Variants in STAP2 observed in about 807,000 individuals in gnomAD.
STAP2 encodes the protein signal-transducing adaptor protein 2.
STAP2 carries 58 observed loss-of-function variants against 52.7 expected under a neutral mutation model. The ratio of observed to expected loss-of-function variants is 1.10; its 90% CI spans 0.89 to 1.37. STAP2 has a LOEUF of 1.37. Among genes scored for constraint, STAP2 ranks in the 40% most tolerant of loss-of-function variants. STAP2 has a pLI of 0.00. For synonymous variants in STAP2, 231 were observed against 210.5 expected (o/e 1.10, Z -0.84); for missense variants, 522 against 519.4 (o/e 1.00, Z -0.05).
intron 6 of STAP2, 67 bp from the exon 7 acceptor site, chr19:4,327,452 C>A: frequency 6.4e-7 from 1 of 1,553,500 alleles, no homozygotes; most frequent in Non-Finnish European, 8.8e-7. Flanking sequence ...GGGAAGGCCC[C>A]GCCCCAACTC....
chr19:4,332,309 G>A (rs1971906984), intron 3 of STAP2, among the ~76,000 whole-genome samples: 1 of 139,994 alleles, frequency 7.1e-6, no homozygotes, highest in Admixed American at 7.9e-5. Context: ...CCAGGTTCAA[G>A]CGATTCTCCT....
intron 7 of STAP2, 38 bp downstream of exon 7, chr19:4,327,278 C>T: frequency 4.3e-6 from 7 of 1,614,094 alleles, no homozygotes; most frequent in Non-Finnish European, 5.9e-6. Context: ...ACGCGGACCC[C>T]ACAAAGTCAC....
chr19:4,328,928 G>T, intron 5 of STAP2, 119 bp from the exon 6 acceptor site: 1 of 1,396,226 alleles, frequency 7.2e-7, no homozygotes. Flanking sequence ...AGGAGACCCT[G>T]CCCTGCTCTC....
At chr19:4,337,182 T>C (rs1377960992) in intron 1 of STAP2, among the ~76,000 whole-genome samples, 1 of 151,050 alleles carries the variant, frequency 6.6e-6, no homozygotes, top group Non-Finnish European at 1.5e-5. Context: ...GACAGGAGGA[T>C]CACTTAAGGC....
At chr19:4,327,447 G>GACC in intron 6 of STAP2, 62 bp from the exon 7 acceptor site, 6 of 1,577,538 alleles carry the variant, frequency 3.8e-6, no homozygotes, top group Non-Finnish European at 5.2e-6. Context: ...CCTCAGGGAA[G>GACC]GCCCCGCCCC....
At chr19:4,326,127 G>A (rs554200333) in intron 9 of STAP2, among the ~76,000 whole-genome samples, 1 of 152,318 alleles carries the variant, frequency 6.6e-6, no homozygotes, top group Middle Eastern at 3.4e-3. Flanking sequence ...ACATGAGTGC[G>A]TTTTGCCCGT....
At chr19:4,335,611 G>A (rs1288116651) in intron 1 of STAP2, among the ~76,000 whole-genome samples, 1 of 152,194 alleles carries the variant, frequency 6.6e-6, no homozygotes, top group Non-Finnish European at 1.5e-5. Flanking sequence ...AACATTTACT[G>A]AAGGCTTTTT....
At chr19:4,324,252 C>A in intron 12 of STAP2, 55 bp from the exon 13 acceptor site, 1 of 1,528,748 alleles carries the variant, frequency 6.5e-7, no homozygotes, top group South Asian at 1.2e-5. Context: ...AGTCCATGCC[C>A]ACCGCCCTGA....
At position 4,338,804 on chromosome 19, in the gene STAP2, C is replaced by A. The variant is rs1568390322; in HGVS notation, c.-51G>T. The stretch of plus-strand genomic sequence containing the variant: ...CCTCTCCTTCCAGTGGGTGCCCCAG[C>A]TGGGCCGGGAAGCTGAGAAACAGGT... On this transcript the variant is annotated 5_prime_UTR_variant, in exon 1 of 13. Coordinates refer to ENST00000594605, the MANE Select transcript of STAP2 (RefSeq NM_001013841.2). 4 of 1,577,164 alleles carry A rather than the reference C, an allele frequency of 2.5e-6. No individual in the cohort carries two copies. Among genetic ancestry groups the A allele is most frequent in the Middle Eastern group, 1.7e-4 (1 of 5,874 alleles).
chr19:4,326,766 A>ACCCCCGCCCCCT (rs1459119043), intron 9 of STAP2, among the ~76,000 whole-genome samples, 176 bp downstream of exon 9: 4 of 149,924 alleles, frequency 2.7e-5, no homozygotes, highest in Middle Eastern at 6.8e-3. Flanking sequence ...CCAAGCTGGG[A>ACCCCCGCCCCCT]CCCCCGCCCC....
rs367680463 is a variant in STAP2, at chr19:4,325,229, A to C, written c.1059T>G (p.Val353=). 51 of 1,593,106 alleles carry C rather than the reference A, an allele frequency of 3.2e-5. No homozygotes were observed. The African/African-American group carries it at 6.5e-4, about 20-fold the overall frequency. ...KPPAKLPKPP[V]GPKPEPKVFN... ...GGGGACCCCAACCTGGCTTGGGTCC[A>C]ACGGGTGGCTTTGGAAGCTTGGCAG... Residue 353 remains valine (V), a synonymous_variant, in exon 11 of 13, where the codon GTT becomes GTG. Transcript: ENST00000594605.
chr19:4,326,895 G>A (rs936859737), intron 9 of STAP2, 47 bp downstream of exon 9: 6 of 1,546,870 alleles, frequency 3.9e-6, no homozygotes, highest in African/African-American at 2.7e-5. Flanking sequence ...GGCTGAATGC[G>A]GGGTCCTCGA....
intron 3 of STAP2, among the ~76,000 whole-genome samples, chr19:4,332,555 CA>C (rs1971911011): frequency 6.6e-6 from 1 of 151,896 alleles, no homozygotes. Context: ...AAACATAGAT[CA>C]GGCTGGATGC....
intron 12 of STAP2, 73 bp downstream of exon 12, chr19:4,324,382 T>C (rs1971748335): frequency 7.2e-7 from 1 of 1,396,752 alleles, no homozygotes; most frequent in Non-Finnish European, 9.8e-7. Flanking sequence ...CGCTTCGGAG[T>C]GTGGGGACTT....
chr19:4,327,489 T>G, intron 6 of STAP2, 104 bp from the exon 7 acceptor site: 1 of 1,255,510 alleles, frequency 8.0e-7, no homozygotes. Context: ...TAGAAACAGG[T>G]CCATACTGGC....
intron 8 of STAP2, 54 bp downstream of exon 8, chr19:4,327,070 C>CG (rs757969250): frequency 4.3e-4 from 692 of 1,608,082 alleles, no homozygotes; most frequent in Non-Finnish European, 5.3e-4. Context: ...TCCGTCCGAG[C>CG]GGGGGCGGGA....
At chr19:4,326,569 C>T (rs1049201709) in intron 9 of STAP2, among the ~76,000 whole-genome samples, 2 of 152,116 alleles carry the variant, frequency 1.3e-5, no homozygotes, top group African/African-American at 4.8e-5. Flanking sequence ...TACCCTCTGA[C>T]CCCTCAATGC....
rs143576049 is a variant in STAP2 at position 4,325,300 on chromosome 19, A to C, written c.988T>G (p.Ser330Ala). 389 of 1,614,084 alleles carry C rather than the reference A, an allele frequency of 2.4e-4. No individual in the cohort carries two copies. The highest frequency in any genetic ancestry group is 3.0e-4 in the Non-Finnish European group (357 of 1,180,032). ...VDYENQDVAS[S>A]SWPVILKPKK... ...GGCTTCAGGATGACTGGCCAACTAG[A>C]GGAAGCCACTGCGTGGACAAAAGTG... Residue 330 changes from serine to alanine, a missense_variant, in exon 11 of 13, where the codon TCT becomes GCT. Coordinates refer to ENST00000594605, the MANE Select transcript of STAP2 (RefSeq NM_001013841.2).
intron 1 of STAP2, 96 bp from the exon 2 acceptor site, chr19:4,334,140 C>A: frequency 1.0e-6 from 1 of 1,001,460 alleles, no homozygotes; most frequent in Non-Finnish European, 1.5e-6. Flanking sequence ...ACTGGTTGTG[C>A]TCTCTGCCCC....
Sources: allele counts gnomAD v4.1 joint callset (sites outside exome capture counted in the v4.1 genomes callset), GRCh38; gene constraint gnomAD v4.1.1; transcripts MANE v1.5; gene names NCBI Gene and HGNC (gene_info 2026-07-23, HGNC 2026-07-21).